Variants in RBFOX1 observed in about 807,000 individuals in gnomAD.
RBFOX1 encodes RNA binding fox-1 homolog 1.
A neutral mutation model predicts 57.7 loss-of-function variants in RBFOX1; 8 were observed. The observed-to-expected ratio is 0.14, with a 90% CI of 0.08 to 0.25. The LOEUF (loss-of-function observed/expected upper bound fraction) is 0.25, where lower values mean the gene tolerates loss of function less well. Ranked by LOEUF, RBFOX1 falls within the 10% of genes least tolerant of loss-of-function variation. The probability of loss-of-function intolerance (pLI) is 1.00; values close to 1 mark genes in which losing one functional copy is unlikely to be tolerated. For synonymous variants in RBFOX1, 326 were observed against 222.4 expected (o/e 1.47, Z -4.15); for missense variants, 611 against 548.5 (o/e 1.11, Z -1.14).
At chr16:6,966,591 T>C (rs1285983344) in intron 3 of RBFOX1, among the ~76,000 whole-genome samples, 1 of 152,008 alleles carries the variant, frequency 6.6e-6, no homozygotes, top group Non-Finnish European at 1.5e-5. Context: ...TAGTTAAAAA[T>C]AAGGCCAATG....
chr16:6,477,057 T>C (rs889942624), intron 2 of RBFOX1, among the ~76,000 whole-genome samples: 2 of 152,224 alleles, frequency 1.3e-5, no homozygotes, highest in African/African-American at 4.8e-5. Context: ...CTTGTAATTC[T>C]AGTTCTTTAG....
rs574296201 is a variant in RBFOX1 at position 5,795,500 on chromosome 16, G to A, written c.319-71803G>A. ...TAATTTTTTGTGGAGATGGGGTATT[G>A]CTATGGTTGTGAATTCCTGGGCTCA... On this transcript the variant is annotated intron_variant, in intron 3 of 19. Coordinates refer to the RBFOX1 transcript ENST00000641259. Among the ~76,000 whole-genome samples the A allele has an allele frequency of 2.0e-5, 3 of 152,092 alleles. No homozygotes were observed. The East Asian group carries it at 5.8e-4, about 29-fold the overall frequency.
rs1568006199 is a variant in RBFOX1, at chr16:6,641,778, A to AAAAAAAG, written c.-63-12825_-63-12824insAAAAAAG. ...AAAAAAAAAAAAAAAAAAAAAAAAAATAGGTTCTGCCCTGAGCCTTTCAGG... is the reference window on the plus strand; with the variant it reads ...AAAAAAAAAAAAAAAAAAAAAAAAAAAAAAAAGTAGGTTCTGCCCTGAGCCTTTCAGG... On this transcript the variant is annotated intron_variant, in intron 2 of 15. Transcript: ENST00000550418. Among the ~76,000 whole-genome samples, 54 of 31,794 alleles carry AAAAAAAG rather than the reference A, an allele frequency of 1.7e-3. 2 individuals are homozygous for AAAAAAAG. Among genetic ancestry groups the AAAAAAAG allele is most frequent in the Non-Finnish European group, 2.2e-3 (38 of 17,146 alleles). 20.9% of individuals were successfully genotyped at this position (31,794 alleles called of 152,430 possible). A position where few individuals can be genotyped will look rare whatever the true frequency, so the allele number is the denominator to read the frequency against.
chr16:7,275,079 C>A (rs1178370562), intron 4 of RBFOX1, among the ~76,000 whole-genome samples: 1 of 152,058 alleles, frequency 6.6e-6, no homozygotes, highest in Admixed American at 6.5e-5. Context: ...GCTGAGCGGG[C>A]AGGGTTCTGG....
Position 7,188,954 on chromosome 16 carries a change from G to A in RBFOX1, c.27+136856G>A, listed in dbSNP as rs141798635. ...CATGAAGACTATAATTGCAGCCTGG[G>A]TAGCTTGATAAACCACTCAAGGAAG... On this transcript the variant is annotated intron_variant, in intron 4 of 15. Transcript: ENST00000550418. Among the ~76,000 whole-genome samples the A allele has an allele frequency of 2.9e-3, 440 of 152,262 alleles. 2 individuals carry two copies. The highest frequency in any genetic ancestry group is 0.01 in the African/African-American group (416 of 41,548).
At chr16:5,778,551 A>G (rs762761817) in intron 3 of RBFOX1, among the ~76,000 whole-genome samples, 3 of 152,094 alleles carry the variant, frequency 2.0e-5, no homozygotes, top group Non-Finnish European at 4.4e-5. Context: ...TGCTGGTTCA[A>G]CCTGCTCTGA....
chr16:7,650,587 TTC>T (rs1206668383), intron 11 of RBFOX1, among the ~76,000 whole-genome samples: 1 of 152,134 alleles, frequency 6.6e-6, no homozygotes, highest in Non-Finnish European at 1.5e-5. Flanking sequence ...CTTGCCAAGC[TTC>T]TGTTTCATGT....
At chr16:5,976,103 A>G (rs926226079) in intron 4 of RBFOX1, among the ~76,000 whole-genome samples, 1 of 152,052 alleles carries the variant, frequency 6.6e-6, no homozygotes, top group Non-Finnish European at 1.5e-5. Context: ...AAGACTCTCT[A>G]GACTGCACTC....
chr16:6,397,609 G>C (rs2092895804), intron 2 of RBFOX1, among the ~76,000 whole-genome samples: 1 of 152,186 alleles, frequency 6.6e-6, no homozygotes, highest in Non-Finnish European at 1.5e-5. Context: ...ATGAAGAGCA[G>C]GGAACATGGT....
At chr16:6,506,576 TG>T (rs2096096831) in intron 2 of RBFOX1, among the ~76,000 whole-genome samples, 1 of 151,278 alleles carries the variant, frequency 6.6e-6, no homozygotes, top group Non-Finnish European at 1.5e-5. Flanking sequence ...GACTCACCTT[TG>T]ATGTTGAATT....
At position 7,234,578 on chromosome 16, in the gene RBFOX1, G is replaced by A. The variant is rs993704697; in HGVS notation, c.27+182480G>A. Among the ~76,000 whole-genome samples, 97 of 121,450 alleles carry A rather than the reference G, an allele frequency of 8.0e-4. 1 individual carries two copies. Among genetic ancestry groups the A allele is most frequent in the African/African-American group, 3.1e-3 (90 of 28,574 alleles). The allele number at this position is 121,450 out of a possible 152,430, so 79.7% of individuals were successfully genotyped here. ...TGAAGTCTTCTGTTGCAAATGACATGTGTATACATATGTGTGTGTGTGTGT... is the reference window on the plus strand; with the variant it reads ...TGAAGTCTTCTGTTGCAAATGACATATGTATACATATGTGTGTGTGTGTGT... On this transcript the variant is annotated intron_variant, in intron 4 of 15. Coordinates refer to ENST00000550418, the MANE Select transcript of RBFOX1 (RefSeq NM_018723.4).
chr16:7,018,446 T>A (rs2094026355), intron 3 of RBFOX1, among the ~76,000 whole-genome samples: 2 of 152,196 alleles, frequency 1.3e-5, no homozygotes, highest in Admixed American at 1.3e-4. Context: ...TGCTCCTGTT[T>A]TTGAAATACA....
chr16:7,381,687 G>A (rs555302745), intron 4 of RBFOX1, among the ~76,000 whole-genome samples: 15 of 152,032 alleles, frequency 9.9e-5, no homozygotes, highest in African/African-American at 1.7e-4. Flanking sequence ...ATGTCCCACC[G>A]TATGGATTTG....
At chr16:6,267,399 C>T (rs2074649792) in intron 1 of RBFOX1, among the ~76,000 whole-genome samples, 2 of 152,196 alleles carry the variant, frequency 1.3e-5, no homozygotes, top group Non-Finnish European at 2.9e-5. Flanking sequence ...TGTCCCTCCT[C>T]TTCTGTTCCT....
intron 2 of RBFOX1, among the ~76,000 whole-genome samples, chr16:6,406,603 AC>A (rs2093289449): frequency 6.7e-6 from 1 of 149,258 alleles, no homozygotes. Context: ...CATTTTAAGC[AC>A]CCTATTGATA....
chr16:6,171,573 C>T (rs1404837322), intron 1 of RBFOX1, among the ~76,000 whole-genome samples: 2 of 152,094 alleles, frequency 1.3e-5, no homozygotes, highest in African/African-American at 2.4e-5. Context: ...AATGTCTTGC[C>T]ATGAACATAT....
intron 4 of RBFOX1, among the ~76,000 whole-genome samples, chr16:7,273,252 TCCTTCCTTCCTC>T (rs1555652867): frequency 1.0e-5 from 1 of 96,494 alleles, no homozygotes; most frequent in Non-Finnish European, 2.0e-5. Flanking sequence ...CTTCCTTCCT[TCCTTCCTTCCTC>T]CCTTTCTCTT....
At chr16:6,362,574 T>A (rs1279117396) in intron 2 of RBFOX1, among the ~76,000 whole-genome samples, 1 of 152,222 alleles carries the variant, frequency 6.6e-6, no homozygotes, top group Non-Finnish European at 1.5e-5. Flanking sequence ...AGCAGCTTTC[T>A]GTTACAACGT....
intron 3 of RBFOX1, among the ~76,000 whole-genome samples, chr16:6,828,493 C>T (rs1030876727): frequency 4.6e-5 from 7 of 151,780 alleles, no homozygotes; most frequent in African/African-American, 9.7e-5. Context: ...CATTGCACTC[C>T]AGCCTGGCAA....
Sources: allele counts gnomAD v4.1 joint callset (sites outside exome capture counted in the v4.1 genomes callset), GRCh38; gene constraint gnomAD v4.1.1; transcripts MANE v1.5; gene names NCBI Gene and HGNC (gene_info 2026-07-23, HGNC 2026-07-21).